The following NME7 variants were observed in gnomAD, a reference collection of about 807,000 sequenced individuals.
NME7 encodes the protein nucleoside diphosphate kinase 7.
NME7 carries 41 observed loss-of-function variants against 49.1 expected under a neutral mutation model. That is an observed-to-expected ratio of 0.83 (90% CI 0.65 to 1.08). The LOEUF is 1.08. Ranked by LOEUF, NME7 falls within the 50% of genes least tolerant of loss-of-function variation. The pLI, the probability that NME7 is intolerant of heterozygous loss-of-function variation, is 0.00. For missense variants in NME7, 423 were observed against 463.4 expected, an observed-to-expected ratio of 0.91 and a Z score of 0.80; for synonymous variants, 139 against 150.6, an observed-to-expected ratio of 0.92 and a Z score of 0.56.
chr1:169,344,533 A>G (rs937845818), intron 1 of NME7, among the ~76,000 whole-genome samples: 75 of 152,308 alleles, frequency 4.9e-4, no homozygotes, highest in Admixed American at 4.4e-3. Context: ...GAATCCCCTT[A>G]GTTCAAAGTT....
At chr1:169,133,967 C>T (rs1441292753) in intron 11 of NME7, among the ~76,000 whole-genome samples, 2 of 152,166 alleles carry the variant, frequency 1.3e-5, no homozygotes, top group Admixed American at 6.5e-5. Context: ...AACCTGTTTT[C>T]GTATGTATTG....
At position 169,239,590 on chromosome 1, in the gene NME7, G is replaced by A. The variant is rs115172591; in HGVS notation, c.755-1903C>T. Among the ~76,000 whole-genome samples, 511 of 152,112 alleles carry A rather than the reference G, an allele frequency of 3.4e-3. 6 individuals are homozygous for A. Among genetic ancestry groups the A allele is most frequent in the African/African-American group, 0.012 (490 of 41,538 alleles). On this transcript the variant is annotated intron_variant, in intron 7 of 11. Coordinates refer to ENST00000367811, the MANE Select transcript of NME7 (RefSeq NM_013330.5). ...AAACTGATCAGATCTTGAGGATGCA[G>A]CATATCCAATGGCTGAATGAGTAAA...
chr1:169,238,290 T>C (rs1447217317), intron 7 of NME7, among the ~76,000 whole-genome samples: 1 of 151,890 alleles, frequency 6.6e-6, no homozygotes, highest in Non-Finnish European at 1.5e-5. Context: ...TTCAAATCGA[T>C]AAAGGCCTTG....
chr1:169,366,560 G>A (rs1653863899), intron 1 of NME7, among the ~76,000 whole-genome samples: 1 of 152,154 alleles, frequency 6.6e-6, no homozygotes. Flanking sequence ...AAAACAACTG[G>A]AAGCGAAATG....
chr1:169,199,482 TA>T (rs1660484726), intron 10 of NME7, among the ~76,000 whole-genome samples: 1 of 147,256 alleles, frequency 6.8e-6, no homozygotes, highest in African/African-American at 2.5e-5. Flanking sequence ...TTATTATTAT[TA>T]TTATTATTAT....
chr1:169,310,346 A>G (rs1430047669), intron 3 of NME7, among the ~76,000 whole-genome samples: 1 of 152,174 alleles, frequency 6.6e-6, no homozygotes, highest in African/African-American at 2.4e-5. Context: ...TTTTTAATAT[A>G]TCCAAATGAG....
intron 10 of NME7, among the ~76,000 whole-genome samples, chr1:169,221,630 C>T (rs1297825525): frequency 2.0e-5 from 3 of 151,342 alleles, no homozygotes; most frequent in South Asian, 4.2e-4. Context: ...TATTTGTATA[C>T]CTATATACTG....
At chr1:169,329,742 G>A (rs1652188534) in intron 1 of NME7, among the ~76,000 whole-genome samples, 1 of 152,112 alleles carries the variant, frequency 6.6e-6, no homozygotes, top group Non-Finnish European at 1.5e-5. Context: ...TAAAGAAGAA[G>A]TAGAGAAAGA....
chr1:169,169,738 T>C (rs1278229125), intron 10 of NME7, among the ~76,000 whole-genome samples, 184 bp from the exon 11 acceptor site: 1 of 152,210 alleles, frequency 6.6e-6, no homozygotes, highest in Non-Finnish European at 1.5e-5. Flanking sequence ...AAATAATAAT[T>C]GCATTTCTTT....
intron 10 of NME7, among the ~76,000 whole-genome samples, chr1:169,202,355 C>T (rs1660575157): frequency 6.6e-6 from 1 of 152,184 alleles, no homozygotes; most frequent in African/African-American, 2.4e-5. Context: ...CTCCCCACCA[C>T]CAACTCCTTT....
At chr1:169,258,405 TACACACACACACACACAC>T (rs1366142784) in intron 7 of NME7, among the ~76,000 whole-genome samples, 1 of 68,802 alleles carries the variant, frequency 1.5e-5, no homozygotes, top group African/African-American at 5.3e-5. Flanking sequence ...TATATATATA[TACACACACACACACACAC>T]ATACACACAC....
intron 9 of NME7, among the ~76,000 whole-genome samples, chr1:169,231,212 G>A (rs1032386407): frequency 6.6e-6 from 1 of 152,092 alleles, no homozygotes; most frequent in Non-Finnish European, 1.5e-5. Flanking sequence ...CTAGCAACAA[G>A]AAATAATAGG....
chr1:169,185,810 A>G (rs1273177903), intron 10 of NME7, among the ~76,000 whole-genome samples: 1 of 152,270 alleles, frequency 6.6e-6, no homozygotes, highest in South Asian at 2.1e-4. Context: ...TTCAATTAAT[A>G]TTTACTTAGC....
chr1:169,276,784 T>G (rs1649750939), intron 7 of NME7, among the ~76,000 whole-genome samples: 1 of 135,314 alleles, frequency 7.4e-6, no homozygotes, highest in African/African-American at 2.5e-5. Flanking sequence ...GATGTTAGGG[T>G]GTCAATTTTG....
chr1:169,291,669 T>TAATAAA (rs1553253699), intron 6 of NME7, among the ~76,000 whole-genome samples: 4 of 140,748 alleles, frequency 2.8e-5, no homozygotes, highest in African/African-American at 1.0e-4. Flanking sequence ...ATAATAATAA[T>TAATAAA]AAAAAGAAAT....
intron 7 of NME7, among the ~76,000 whole-genome samples, chr1:169,255,011 G>C (rs1648856152): frequency 7.5e-6 from 1 of 134,180 alleles, no homozygotes; most frequent in Admixed American, 7.3e-5. Flanking sequence ...GAATAGGTGT[G>C]GTGTGGTGCT....
intron 7 of NME7, chr1:169,286,369 T>A (rs1650275333): frequency 6.6e-6 from 1 of 152,144 alleles, no homozygotes; most frequent in African/African-American, 2.4e-5. Context: ...TAAAATCCAA[T>A]CACTTCTGTA....
chr1:169,142,545 C>T (rs1364800490), intron 11 of NME7, among the ~76,000 whole-genome samples: 1 of 152,080 alleles, frequency 6.6e-6, no homozygotes, highest in African/African-American at 2.4e-5. Context: ...TATAATAATT[C>T]ATTATACTGC....
chr1:169,171,662 C>G (rs1221402617), intron 10 of NME7, among the ~76,000 whole-genome samples: 1 of 151,752 alleles, frequency 6.6e-6, no homozygotes, highest in African/African-American at 2.4e-5. Flanking sequence ...ACTTGGGGGG[C>G]TGAGGCAGAA....
Sources: gnomAD v4.1 joint callset for allele counts (sites outside exome capture counted in the v4.1 genomes callset) on GRCh38, gnomAD v4.1.1 for gene constraint, MANE v1.5 for transcripts, NCBI Gene and HGNC (gene_info 2026-07-23, HGNC 2026-07-21) for gene names.